The following LYST variants were observed in gnomAD, a reference collection of about 807,000 sequenced individuals.
LYST encodes the protein lysosomal-trafficking regulator.
A neutral mutation model predicts 413.6 loss-of-function variants in LYST; 192 were observed. That is an observed-to-expected ratio of 0.46 (90% CI 0.41 to 0.52). The LOEUF is 0.52. LYST is among the 20% of genes least tolerant of loss of function. LYST has a pLI of 0.00. For missense variants in LYST, 3,815 were observed against 4,499.9 expected (o/e 0.85, Z 4.35); for synonymous variants, 1,525 against 1,567.3 (o/e 0.97, Z 0.64).
chr1:235,720,173 CAAAAAAAAAA>C (rs71576484), intron 40 of LYST, among the ~76,000 whole-genome samples: 5 of 9,474 alleles, frequency 5.3e-4, no homozygotes, highest in East Asian at 3.4e-3. Flanking sequence ...GACTCTGTCT[CAAAAAAAAAA>C]AAAAAAAAAA....
chr1:235,696,439 T>G (rs1199832590), intron 46 of LYST, among the ~76,000 whole-genome samples: 3 of 152,206 alleles, frequency 2.0e-5, no homozygotes, highest in Non-Finnish European at 4.4e-5. Flanking sequence ...CCTAGGTCAT[T>G]CATTTTGGTG....
At chr1:235,858,062 T>A (rs1220453049) in intron 1 of LYST, among the ~76,000 whole-genome samples, 1 of 152,218 alleles carries the variant, frequency 6.6e-6, no homozygotes, top group East Asian at 1.9e-4. Flanking sequence ...AGAAGCTATA[T>A]ATTCTGGGGA....
Position 235,759,286 on chromosome 1 carries a change from A to T in LYST, c.6567T>A (p.Asp2189Glu). ...AVLSAQVSVS[D>E]VPKGVLGFPV... ...GAAATCCCAGCACTCCCTTTGGGAC[A>T]TCACTGACAGAGACCTGGGCTGAGA... Residue 2189 changes from aspartate (D) to glutamate (E), a missense_variant, in exon 23 of 53, where the codon GAT becomes GAA. By Grantham distance (45) the Asp-to-Glu change is conservative (BLOSUM62 2). Around this residue, in one of 4 missense-constraint regions of LYST, gnomAD observed 771 missense variants for 837.1 expected, o/e 0.92. Coordinates refer to ENST00000389793, the MANE Select transcript of LYST (RefSeq NM_000081.4). 1 of 1,614,182 alleles carries T rather than the reference A, an allele frequency of 6.2e-7. No homozygotes were observed. The highest frequency in any genetic ancestry group is 1.3e-5 in the African/African-American group (1 of 75,066).
At position 235,864,363 on chromosome 1, in the gene LYST, TC is replaced by T. The variant is rs746625967; in HGVS notation, c.-98+2479del. 5.8e-4 allele frequency among the ~76,000 whole-genome samples: 88 copies of T among 152,242 alleles called. 1 individual carries two copies. Among genetic ancestry groups the T allele is most frequent in the Admixed American group, 7.2e-4 (11 of 15,300 alleles). On this transcript the variant is annotated intron_variant, in intron 1 of 52. Transcript: ENST00000389793. ...CCACCCTTCTCCCCACCAAACCTAC[TC>T]CTCTCGTAAACCTAATCTCAGTAAA...
intron 1 of LYST, among the ~76,000 whole-genome samples, chr1:235,863,206 C>T (rs1258515996): frequency 1.3e-5 from 2 of 151,928 alleles, no homozygotes; most frequent in Admixed American, 1.3e-4. Context: ...TCCAGGCTAA[C>T]ACAGTGAAAC....
At chr1:235,758,356 T>C (rs1177352926) in intron 23 of LYST, among the ~76,000 whole-genome samples, 3 of 152,164 alleles carry the variant, frequency 2.0e-5, no homozygotes, top group Non-Finnish European at 4.4e-5. Context: ...TGTCATAACA[T>C]GGAGGACTCT....
intron 3 of LYST, among the ~76,000 whole-genome samples, chr1:235,820,572 T>G (rs139859828): frequency 3.0e-4 from 46 of 152,172 alleles, no homozygotes; most frequent in African/African-American, 1.1e-3. Context: ...GGTTTTGCCA[T>G]GTTGCCTAGG....
chr1:235,732,030 C>T (rs947568862), intron 34 of LYST, among the ~76,000 whole-genome samples: 1 of 151,000 alleles, frequency 6.6e-6, no homozygotes, highest in Non-Finnish European at 1.5e-5. Context: ...TTATTCATAC[C>T]CTAAACATAC....
chr1:235,747,410 T>C (rs1666036220), intron 28 of LYST: 1 of 254,568 alleles, frequency 3.9e-6, no homozygotes, highest in South Asian at 3.8e-5. Flanking sequence ...GACTAAATTA[T>C]AACAGGTTTT....
At chr1:235,838,737 T>C (rs1275157527) in intron 1 of LYST, among the ~76,000 whole-genome samples, 1 of 152,208 alleles carries the variant, frequency 6.6e-6, no homozygotes, top group Non-Finnish European at 1.5e-5. Flanking sequence ...GAATTCATTT[T>C]AGAGCATCCA....
chr1:235,852,515 A>G (rs1204251950), intron 1 of LYST, among the ~76,000 whole-genome samples: 1 of 152,200 alleles, frequency 6.6e-6, no homozygotes, highest in African/African-American at 2.4e-5. Flanking sequence ...ACTCAAGTAT[A>G]CTGTAGTTTA....
chr1:235,677,268 T>A, intron 49 of LYST, 80 bp from the exon 50 acceptor site: 1 of 1,197,080 alleles, frequency 8.4e-7, no homozygotes, highest in Non-Finnish European at 1.2e-6. Flanking sequence ...TTCTTCTCAG[T>A]CTATGTACCT....
rs145373322 is a variant in LYST, at chr1:235,693,123, T to G, written c.10701+227A>C. On this transcript the variant is annotated intron_variant, in intron 47 of 52. Coordinates refer to ENST00000389793, the MANE Select transcript of LYST (RefSeq NM_000081.4). ...AAGGTCAGGAGATCGAGACCATCCT[T>G]GCTAACACGATGAAATCCCGTCTCT... Among the ~76,000 whole-genome samples the G allele has an allele frequency of 0.01, 1,564 of 152,044 alleles. 6 individuals are homozygous for G. Among genetic ancestry groups the G allele is most frequent in the Admixed American group, 0.012 (176 of 15,270 alleles).
At chr1:235,744,438 T>C (rs1665711576) in intron 29 of LYST, among the ~76,000 whole-genome samples, 1 of 152,144 alleles carries the variant, frequency 6.6e-6, no homozygotes, top group Admixed American at 6.6e-5. Context: ...AACCATAAGA[T>C]TATTATACAA....
chr1:235,714,873 G>A (rs1213183901), intron 42 of LYST, among the ~76,000 whole-genome samples: 2 of 152,188 alleles, frequency 1.3e-5, no homozygotes, highest in Non-Finnish European at 2.9e-5. Context: ...ATAAGTATTA[G>A]GTAGAATGTC....
chr1:235,878,207 T>C (rs550187881), intron 1 of LYST, among the ~76,000 whole-genome samples: 1 of 152,270 alleles, frequency 6.6e-6, no homozygotes, highest in Admixed American at 6.5e-5. Context: ...CTGGAGCAGG[T>C]GAGCTCGGCC....
Position 235,693,355 on chromosome 1 carries a change from A to T in LYST, c.10696T>A (p.Tyr3566Asn). 6.2e-7 allele frequency: 1 copy of T among 1,600,808 alleles called. No individual in the cohort carries two copies. The highest frequency in any genetic ancestry group is 8.6e-7 in the Non-Finnish European group (1 of 1,168,018). ...AAATAAAATAAAGTGTTTACCTGGT[A>T]CTGTTGTGAACTTTGAATAAAGTTT... ...PVNFIQSSQQ[Y>N]QVTSCAWVPD... The change falls in exon 47 of 53, where the codon TAC becomes AAC. Residue 3566 changes from tyrosine to asparagine, a missense_variant. Transcript: ENST00000389793.
intron 4 of LYST, among the ~76,000 whole-genome samples, chr1:235,811,824 G>C (rs1451837783): frequency 1.3e-5 from 2 of 152,040 alleles, no homozygotes; most frequent in Admixed American, 6.5e-5. Flanking sequence ...TTCCCCCAAA[G>C]AGCATTAATC....
Position 235,809,288 on chromosome 1 carries a change from C to T in LYST, c.1530G>A (p.Met510Ile), listed in dbSNP as rs767997947. 3.1e-6 allele frequency: 5 copies of T among 1,614,026 alleles called. No individual in the cohort carries two copies. The Admixed American group carries it at 6.7e-5, about 22-fold the overall frequency. Residue 510 changes from methionine to isoleucine, a missense_variant, in exon 5 of 53, where the codon ATG becomes ATA. Met to Ile is a conservative substitution (Grantham distance 10). Around this residue, in one of 4 missense-constraint regions of LYST, gnomAD observed 1,648 missense variants for 1,810.3 expected, o/e 0.91. Transcript: ENST00000389793. This position sits in a 1 kb window ranked among gnomAD's most constrained non-coding sequence, Gnocchi z 4.0. ...GACCTGAGAGATCTCGGTGATGATG[C>T]ATAAAATGAGAATATTCACATCGTC... ...RHRRCEYSHFMHHHRDLSGLL... is the reference protein window; with the variant it reads ...RHRRCEYSHFIHHHRDLSGLL...
Sources: gnomAD v4.1 joint callset for allele counts (sites outside exome capture counted in the v4.1 genomes callset) on GRCh38, gnomAD v4.1.1 for gene constraint, gnomAD v4.1.1 regional missense constraint, Gnocchi (gnomAD v3.1) non-coding constraint, MANE v1.5 for transcripts, NCBI Gene and HGNC (gene_info 2026-07-23, HGNC 2026-07-21) for gene names.